The following RIMS2 variants were observed in gnomAD, a reference collection of about 807,000 sequenced individuals.
The protein encoded by RIMS2 is regulating synaptic membrane exocytosis 2, also known as regulating synaptic membrane exocytosis protein 2.
RIMS2 carries 59 observed loss-of-function variants against 174.4 expected under a neutral mutation model. That is an observed-to-expected ratio of 0.34 (90% CI 0.27 to 0.42). The LOEUF is 0.42. Ranked by LOEUF, RIMS2 falls within the 10% of genes least tolerant of loss-of-function variation. The pLI is 1.00. For synonymous variants in RIMS2, 606 were observed against 572.5 expected (o/e 1.06, Z -0.84); for missense variants, 1,620 against 1,666.3 (o/e 0.97, Z 0.48).
intron 1 of RIMS2, among the ~76,000 whole-genome samples, chr8:103,620,741 T>G (rs2134626083): frequency 6.6e-6 from 1 of 152,306 alleles, no homozygotes; most frequent in South Asian, 2.1e-4. Context: ...TAATACCAGA[T>G]AAAGGATATT....
At chr8:103,936,640 G>A (rs747396648) in exon 13 of RIMS2, 8 of 1,612,228 alleles carry the variant, frequency 5.0e-6, no homozygotes, top group Non-Finnish European at 6.8e-6. Flanking sequence ...GTCCACCGAA[G>A]AGAATTTCGG....
At chr8:103,968,939 T>G (rs1273566076) in intron 15 of RIMS2, among the ~76,000 whole-genome samples, 3 of 152,132 alleles carry the variant, frequency 2.0e-5, no homozygotes, top group Non-Finnish European at 4.4e-5. Context: ...TGTGAAAGTC[T>G]TTCTTTCTCC....
rs557745914 is a variant in RIMS2 at position 103,952,921 on chromosome 8, G to T, written c.2702-8144G>T. ...AACCAGTTTAGAGAAGAACATAAAT[G>T]ACCTGATGGAGCTGAAAAACACATC... is the stretch of plus-strand genomic sequence containing the variant. On this transcript the variant is annotated intron_variant, in intron 14 of 23. Coordinates refer to ENST00000504942, the Ensembl canonical transcript of RIMS2. Among the ~76,000 whole-genome samples the T allele has an allele frequency of 3.9e-5, 6 of 152,224 alleles. No individual in the cohort carries two copies. The South Asian group carries it at 1.0e-3, about 26-fold the overall frequency.
At chr8:103,782,779 T>A (rs1034303060) in intron 3 of RIMS2, among the ~76,000 whole-genome samples, 1 of 152,100 alleles carries the variant, frequency 6.6e-6, no homozygotes, top group African/African-American at 2.4e-5. Flanking sequence ...TTAAGAGTAG[T>A]TTTTTCTTTT....
intron 1 of RIMS2, among the ~76,000 whole-genome samples, chr8:103,546,939 A>T (rs761609598): frequency 6.6e-6 from 1 of 152,188 alleles, no homozygotes; most frequent in African/African-American, 2.4e-5. Flanking sequence ...TGTATCCTTT[A>T]TATGATTACA....
At chr8:103,812,946 A>G (rs898368987) in intron 3 of RIMS2, among the ~76,000 whole-genome samples, 2 of 152,236 alleles carry the variant, frequency 1.3e-5, no homozygotes, top group Non-Finnish European at 2.9e-5. Context: ...CAGTAGAACA[A>G]GAATAATGCA....
chr8:103,948,024 G>A (rs905420405), intron 14 of RIMS2, among the ~76,000 whole-genome samples: 3 of 152,094 alleles, frequency 2.0e-5, no homozygotes, highest in Non-Finnish European at 2.9e-5. Context: ...GTCAAAAAGT[G>A]GGCAAATACT....
intron 1 of RIMS2, among the ~76,000 whole-genome samples, chr8:103,662,718 CTATA>C (rs969849557): frequency 9.2e-5 from 13 of 141,610 alleles, no homozygotes; most frequent in African/African-American, 2.6e-4. Flanking sequence ...ATCTATCTAT[CTATA>C]GTCTTATAAA....
chr8:104,059,781 G>A lies in RIMS2; in HGVS notation c.3334+45166G>A, dbSNP rs545342079. On this transcript the variant is annotated intron_variant, in intron 19 of 23. Coordinates refer to ENST00000504942, the Ensembl canonical transcript of RIMS2. The stretch of plus-strand genomic sequence containing the variant: ...TTTATTGAGAGTTTTTAGCATGAAG[G>A]GTTGTTGAATTTTGTCAAAGGCCTT... 6.9e-3 allele frequency among the ~76,000 whole-genome samples: 1,051 copies of A among 151,758 alleles called. 12 individuals carry two copies. The highest frequency in any genetic ancestry group is 0.024 in the African/African-American group (984 of 41,322).
intron 1 of RIMS2, among the ~76,000 whole-genome samples, chr8:103,679,196 G>A (rs924673841): frequency 2.0e-5 from 3 of 151,762 alleles, no homozygotes; most frequent in African/African-American, 4.8e-5. Context: ...CCCTTCCCCC[G>A]AAACCAACCC....
chr8:103,590,907 T>C (rs549344598), intron 1 of RIMS2, among the ~76,000 whole-genome samples: 1 of 151,266 alleles, frequency 6.6e-6, no homozygotes, highest in African/African-American at 2.4e-5. Context: ...TAAATACCTG[T>C]AAGTGAAATT....
At chr8:104,182,600 TC>T (rs1357344860) in intron 19 of RIMS2, among the ~76,000 whole-genome samples, 1 of 151,848 alleles carries the variant, frequency 6.6e-6, no homozygotes, top group Non-Finnish European at 1.5e-5. Context: ...TCTATAGCTT[TC>T]CCTATTCTGG....
chr8:104,122,175 T>C (rs766303533), intron 19 of RIMS2, among the ~76,000 whole-genome samples: 1 of 152,060 alleles, frequency 6.6e-6, no homozygotes, highest in Non-Finnish European at 1.5e-5. Flanking sequence ...AGAATGTGGA[T>C]TTAAATCCCA....
chr8:103,903,795 G>T (rs924041498), intron 4 of RIMS2, among the ~76,000 whole-genome samples: 16 of 152,084 alleles, frequency 1.1e-4, no homozygotes, highest in Non-Finnish European at 2.1e-4. Context: ...CACCTGTTGT[G>T]ATGGGGTGGT....
chr8:103,737,175 C>CTTTTTT (rs554949027), intron 2 of RIMS2, among the ~76,000 whole-genome samples: 3 of 67,530 alleles, frequency 4.4e-5, no homozygotes, highest in Non-Finnish European at 5.2e-5. Flanking sequence ...TTTCTTTGTT[C>CTTTTTT]TTTTTTTTTT....
At chr8:103,629,088 TC>T (rs1431882460) in intron 1 of RIMS2, among the ~76,000 whole-genome samples, 1 of 152,100 alleles carries the variant, frequency 6.6e-6, no homozygotes, top group Non-Finnish European at 1.5e-5. Flanking sequence ...CTATATTGCA[TC>T]CTTGCCCTTC....
At chr8:103,794,647 A>G (rs1482979922) in intron 3 of RIMS2, among the ~76,000 whole-genome samples, 2 of 152,218 alleles carry the variant, frequency 1.3e-5, no homozygotes, top group East Asian at 1.9e-4. Context: ...TGAAGAGGCA[A>G]CCTACAGAAT....
intron 1 of RIMS2, among the ~76,000 whole-genome samples, chr8:103,687,020 T>C (rs1189429937): frequency 6.6e-6 from 1 of 152,138 alleles, no homozygotes; most frequent in Non-Finnish European, 1.5e-5. Context: ...TATGTAGAAT[T>C]GGTATTATTT....
At chr8:103,900,962 G>C (rs1256668161) in intron 4 of RIMS2, among the ~76,000 whole-genome samples, 1 of 152,088 alleles carries the variant, frequency 6.6e-6, no homozygotes, top group African/African-American at 2.4e-5. Context: ...TTGCGCATCT[G>C]TCTTGCCCCC....
Sources: gnomAD v4.1 joint callset for allele counts (sites outside exome capture counted in the v4.1 genomes callset) on GRCh38, gnomAD v4.1.1 for gene constraint, MANE v1.5 for transcripts, NCBI Gene and HGNC (gene_info 2026-07-23, HGNC 2026-07-21) for gene names.